Variants in R3HCC1L observed in about 807,000 individuals in gnomAD.
The protein encoded by R3HCC1L is R3H domain and coiled-coil containing 1 like.
Under a neutral mutation model 59.9 loss-of-function variants are expected in R3HCC1L, and 51 were observed. The ratio of observed to expected loss-of-function variants is 0.85; its 90% CI spans 0.68 to 1.07. The LOEUF (loss-of-function observed/expected upper bound fraction) is 1.07, where lower values mean the gene tolerates loss of function less well. R3HCC1L is among the 50% of genes least tolerant of loss of function. The pLI is 0.00. For synonymous variants in R3HCC1L, 322 were observed against 315.2 expected, an observed-to-expected ratio of 1.02 and a Z score of -0.23; for missense variants, 965 against 933.0, an observed-to-expected ratio of 1.03 and a Z score of -0.45.
intron 5 of R3HCC1L, among the ~76,000 whole-genome samples, chr10:98,230,735 CGCAA>C (rs1856276218): frequency 6.6e-6 from 1 of 152,290 alleles, no homozygotes; most frequent in African/African-American, 2.4e-5. Flanking sequence ...TTTCCCTCTA[CGCAA>C]ACAGTGTCTA....
chr10:98,220,888 A>T (rs113905339), intron 5 of R3HCC1L, among the ~76,000 whole-genome samples: 2 of 145,348 alleles, frequency 1.4e-5, no homozygotes, highest in African/African-American at 5.1e-5. Flanking sequence ...CTTTGGGTAT[A>T]TACCCAGTAA....
chr10:98,185,588 C>A (rs941164103), intron 4 of R3HCC1L, among the ~76,000 whole-genome samples: 2 of 152,054 alleles, frequency 1.3e-5, no homozygotes, highest in African/African-American at 4.8e-5. Context: ...AACAAACAAA[C>A]CCACAGAACC....
chr10:98,164,625 G>A (rs190130967), intron 4 of R3HCC1L, among the ~76,000 whole-genome samples: 2 of 152,152 alleles, frequency 1.3e-5, no homozygotes, highest in Admixed American at 1.3e-4. Context: ...GTGACACTGT[G>A]TCTGGGAAAA....
At chr10:98,236,186 C>G in intron 9 of R3HCC1L, 22 bp downstream of exon 9, 1 of 1,612,182 alleles carries the variant, frequency 6.2e-7, no homozygotes, top group East Asian at 2.2e-5. Context: ...GGGTGGTGTT[C>G]TTCTCTAGGC....
At chr10:98,149,695 A>G (rs1354330705) in intron 1 of R3HCC1L, among the ~76,000 whole-genome samples, 1 of 152,238 alleles carries the variant, frequency 6.6e-6, no homozygotes, top group African/African-American at 2.4e-5. Context: ...GTCAGAAAAG[A>G]TACTTCACAT....
At chr10:98,177,536 G>A (rs907203739) in intron 4 of R3HCC1L, among the ~76,000 whole-genome samples, 1 of 152,164 alleles carries the variant, frequency 6.6e-6, no homozygotes, top group Admixed American at 6.5e-5. Flanking sequence ...AATCCTTTGG[G>A]TATATTCCCA....
At chr10:98,230,750 G>C (rs1008258976) in intron 5 of R3HCC1L, among the ~76,000 whole-genome samples, 2 of 152,140 alleles carry the variant, frequency 1.3e-5, no homozygotes, top group African/African-American at 4.8e-5. Flanking sequence ...ACAGTGTCTA[G>C]GTTTTATAAC....
intron 5 of R3HCC1L, among the ~76,000 whole-genome samples, chr10:98,227,375 T>C (rs941313204): frequency 2.0e-5 from 3 of 152,168 alleles, no homozygotes; most frequent in Non-Finnish European, 4.4e-5. Flanking sequence ...TTGAATCCAT[T>C]TTTCAACTTT....
chr10:98,143,992 A>T (rs1031075428), intron 1 of R3HCC1L, among the ~76,000 whole-genome samples: 1 of 152,066 alleles, frequency 6.6e-6, no homozygotes, highest in Non-Finnish European at 1.5e-5. Context: ...GCTGTTATAT[A>T]TAAACTTTGT....
At chr10:98,148,417 A>G (rs1229532003) in intron 1 of R3HCC1L, among the ~76,000 whole-genome samples, 1 of 152,132 alleles carries the variant, frequency 6.6e-6, no homozygotes, top group African/African-American at 2.4e-5. Flanking sequence ...AACTTCCAGT[A>G]TTATGTTGAA....
At chr10:98,163,889 G>T (rs549944971) in intron 4 of R3HCC1L, among the ~76,000 whole-genome samples, 1 of 152,250 alleles carries the variant, frequency 6.6e-6, no homozygotes, top group South Asian at 2.1e-4. Flanking sequence ...AAAGATAGCT[G>T]ATTTTAACTT....
At chr10:98,229,975 C>G (rs1387757844) in intron 5 of R3HCC1L, among the ~76,000 whole-genome samples, 2 of 152,104 alleles carry the variant, frequency 1.3e-5, no homozygotes, top group African/African-American at 4.8e-5. Flanking sequence ...CTGCTGCATT[C>G]GGTTTGCCAG....
chr10:98,139,839 CCTT>C (rs1564976917), intron 1 of R3HCC1L, among the ~76,000 whole-genome samples: 2 of 151,124 alleles, frequency 1.3e-5, no homozygotes, highest in African/African-American at 4.9e-5. Context: ...TATTTGTTGT[CCTT>C]CTTGTATCTT....
intron 1 of R3HCC1L, among the ~76,000 whole-genome samples, chr10:98,147,523 T>C (rs1845778335): frequency 6.6e-6 from 1 of 152,188 alleles, no homozygotes; most frequent in Admixed American, 6.5e-5. Flanking sequence ...TGTTTTCTTC[T>C]AATAATTTGA....
At chr10:98,146,869 G>C (rs937531620) in intron 1 of R3HCC1L, among the ~76,000 whole-genome samples, 1 of 152,096 alleles carries the variant, frequency 6.6e-6, no homozygotes, top group Non-Finnish European at 1.5e-5. Flanking sequence ...AAAATAACAT[G>C]GAAGTGCAGA....
intron 4 of R3HCC1L, among the ~76,000 whole-genome samples, chr10:98,193,942 C>T (rs988317194): frequency 1.3e-5 from 2 of 152,142 alleles, no homozygotes; most frequent in African/African-American, 4.8e-5. Context: ...CAATCTCTGT[C>T]AAAATCCTTA....
intron 5 of R3HCC1L, among the ~76,000 whole-genome samples, chr10:98,215,018 G>A (rs550898060): frequency 6.6e-6 from 1 of 152,308 alleles, no homozygotes; most frequent in East Asian, 1.9e-4. Context: ...TCATGCCAGA[G>A]TTGGCATTAG....
intron 4 of R3HCC1L, among the ~76,000 whole-genome samples, chr10:98,192,673 C>G (rs1218382657): frequency 1.3e-5 from 2 of 152,056 alleles, no homozygotes; most frequent in African/African-American, 4.8e-5. Context: ...AAGAAAAGCC[C>G]AGGACCACAT....
intron 4 of R3HCC1L, among the ~76,000 whole-genome samples, chr10:98,205,116 T>C (rs1297008577): frequency 6.6e-6 from 1 of 152,226 alleles, no homozygotes; most frequent in Non-Finnish European, 1.5e-5. Context: ...GAACATAGGC[T>C]TACTATTAAA....
Sources: allele counts gnomAD v4.1 joint callset (sites outside exome capture counted in the v4.1 genomes callset), GRCh38; gene constraint gnomAD v4.1.1; transcripts MANE v1.5; gene names NCBI Gene and HGNC (gene_info 2026-07-23, HGNC 2026-07-21).